PALLD: variants seen among roughly 807,000 people sequenced by gnomAD.
The protein encoded by PALLD is palladin, cytoskeletal associated protein, also known as palladin.
A neutral mutation model predicts 123.5 loss-of-function variants in PALLD; 61 were observed. That is an observed-to-expected ratio of 0.49 (90% CI 0.40 to 0.61). The LOEUF (loss-of-function observed/expected upper bound fraction) is 0.61. Ranked by LOEUF, PALLD falls within the 20% of genes least tolerant of loss-of-function variation. The pLI is 0.00. For synonymous variants in PALLD, 465 were observed against 496.4 expected (o/e 0.94, Z 0.84); for missense variants, 1,273 against 1,377.0 (o/e 0.92, Z 1.20).
chr4:168,647,114 A>G (rs996378202), intron 2 of PALLD, among the ~76,000 whole-genome samples: 4 of 152,258 alleles, frequency 2.6e-5, no homozygotes, highest in African/African-American at 4.8e-5. Context: ...TTCTTCAACC[A>G]GTTTCAAAGA....
In PALLD at chr4:168,816,413, A is replaced by ATTTTTTT. The variant is rs1554088403; in HGVS notation, c.1965-74507_1965-74501dup. On this transcript the variant is annotated intron_variant, in intron 10 of 21. Transcript: ENST00000505667. ...TGTATATATATATATATATATATATATTTTTTTTAAGTATTAGATTGGAGT... is the reference window on the plus strand; with the variant it reads ...TGTATATATATATATATATATATATATTTTTTTTTTTTTTTAAGTATTAGATTGGAGT... Among the ~76,000 whole-genome samples, 125 of 135,990 alleles carry ATTTTTTT rather than the reference A, an allele frequency of 9.2e-4. 1 individual carries two copies. In the East Asian group the frequency reaches 0.014, roughly 16 times the overall value. 89.2% of individuals were successfully genotyped at this position (135,990 alleles called of 152,430 possible). A position where few individuals can be genotyped will look rare whatever the true frequency, so the allele number is the denominator to read the frequency against.
intron 2 of PALLD, among the ~76,000 whole-genome samples, chr4:168,629,956 G>A (rs1002226549): frequency 1.3e-5 from 2 of 152,192 alleles, no homozygotes; most frequent in Non-Finnish European, 2.9e-5. Flanking sequence ...TGGGTGTTTA[G>A]ACTAAATTTC....
At chr4:168,813,077 T>C (rs1377879272) in intron 10 of PALLD, among the ~76,000 whole-genome samples, 1 of 139,916 alleles carries the variant, frequency 7.1e-6, no homozygotes, top group African/African-American at 2.7e-5. Context: ...AAGTCTGGAA[T>C]TTTTCTTTCT....
At chr4:168,761,137 TTA>T (rs1472172226) in intron 10 of PALLD, among the ~76,000 whole-genome samples, 1 of 152,244 alleles carries the variant, frequency 6.6e-6, no homozygotes, top group Non-Finnish European at 1.5e-5. Context: ...CTTAAACTAC[TTA>T]TATATTAGAA....
At chr4:168,669,802 A>G (rs983532010) in intron 3 of PALLD, among the ~76,000 whole-genome samples, 4 of 142,544 alleles carry the variant, frequency 2.8e-5, no homozygotes, top group Non-Finnish European at 6.4e-5. Context: ...TACAAAATGC[A>G]CACACACACA....
At chr4:168,794,802 C>T (rs1738248489) in intron 10 of PALLD, among the ~76,000 whole-genome samples, 1 of 152,190 alleles carries the variant, frequency 6.6e-6, no homozygotes, top group South Asian at 2.1e-4. Flanking sequence ...ATAGTAAATG[C>T]TCAATGAATA....
At position 168,926,245 on chromosome 4, in the gene PALLD, C is replaced by G; in HGVS notation, c.*65C>G. 2.6e-6 allele frequency: 4 copies of G among 1,536,208 alleles called. No individual in the cohort carries two copies. Among genetic ancestry groups the G allele is most frequent in the Non-Finnish European group, 3.5e-6 (4 of 1,146,348 alleles). ...GCATCAGCAGTCACAGAGCACCAAG[C>G]CAAAAAAAGTACGGCCCTCAGCCAG... is the stretch of plus-strand genomic sequence containing the variant. On this transcript the variant is annotated 3_prime_UTR_variant, in exon 22 of 22. Transcript: ENST00000505667.
intron 17 of PALLD, among the ~76,000 whole-genome samples, chr4:168,919,616 A>G (rs1252868284): frequency 1.3e-5 from 2 of 152,042 alleles, no homozygotes; most frequent in African/African-American, 2.4e-5. Flanking sequence ...AGGGGAAAAA[A>G]TCCTGACGAT....
intron 10 of PALLD, among the ~76,000 whole-genome samples, chr4:168,858,064 A>C (rs184495067): frequency 2.6e-5 from 4 of 152,372 alleles, no homozygotes; most frequent in Non-Finnish European, 4.4e-5. Flanking sequence ...TCATTGAGAA[A>C]TAGAAACTCT....
At position 168,912,414 on chromosome 4, in the gene PALLD, A is replaced by G. The variant is rs1582121441; in HGVS notation, c.2623-1513A>G. On this transcript the variant is annotated intron_variant, in intron 15 of 21. Transcript: ENST00000505667. ...ATCTTCTCATTCTTCTGAGAGAGTGAAGGAGAAAAATCATCTTTTTTGCTA... is the reference window on the plus strand; with the variant it reads ...ATCTTCTCATTCTTCTGAGAGAGTGGAGGAGAAAAATCATCTTTTTTGCTA... 2.6e-5 allele frequency among the ~76,000 whole-genome samples: 4 copies of G among 152,172 alleles called. No individual in the cohort carries two copies. In the South Asian group the frequency reaches 8.3e-4, roughly 32 times the overall value.
chr4:168,849,730 G>C (rs1166262114), intron 10 of PALLD, among the ~76,000 whole-genome samples: 2 of 144,472 alleles, frequency 1.4e-5, no homozygotes, highest in Non-Finnish European at 3.0e-5. Flanking sequence ...CTCATTACAG[G>C]TATTATTATC....
At chr4:168,519,573 C>T (rs1763331818) in intron 2 of PALLD, among the ~76,000 whole-genome samples, 2 of 151,746 alleles carry the variant, frequency 1.3e-5, no homozygotes, top group Non-Finnish European at 1.5e-5. Flanking sequence ...TGTATTCAGT[C>T]TTGTGCCATG....
At chr4:168,647,439 A>G (rs971306924) in intron 2 of PALLD, among the ~76,000 whole-genome samples, 2 of 152,202 alleles carry the variant, frequency 1.3e-5, no homozygotes, top group Non-Finnish European at 2.9e-5. Flanking sequence ...ACAAATCATA[A>G]CAGTAGATCC....
intron 10 of PALLD, among the ~76,000 whole-genome samples, chr4:168,779,367 G>A (rs2150540902): frequency 6.6e-6 from 1 of 152,204 alleles, no homozygotes; most frequent in Non-Finnish European, 1.5e-5. Context: ...TTCAGGAACT[G>A]TTCATTTGAA....
At chr4:168,580,511 A>G (rs1450245141) in intron 2 of PALLD, among the ~76,000 whole-genome samples, 1 of 152,112 alleles carries the variant, frequency 6.6e-6, no homozygotes, top group Non-Finnish European at 1.5e-5. Context: ...GGAAATGCTT[A>G]TACACTGCTG....
chr4:168,751,478 G>A (rs192712947), intron 10 of PALLD, among the ~76,000 whole-genome samples: 2 of 152,328 alleles, frequency 1.3e-5, no homozygotes, highest in Admixed American at 1.3e-4. Flanking sequence ...TTTGCAATCA[G>A]ATAGCCCTGA....
chr4:168,816,504 A>G (rs1741978458), intron 10 of PALLD, among the ~76,000 whole-genome samples: 1 of 151,488 alleles, frequency 6.6e-6, no homozygotes, highest in African/African-American at 2.4e-5. Context: ...TGCCTCTATC[A>G]GCCAAATCTA....
At chr4:168,757,164 A>G (rs1234192949) in intron 10 of PALLD, among the ~76,000 whole-genome samples, 1 of 152,262 alleles carries the variant, frequency 6.6e-6, no homozygotes, top group Non-Finnish European at 1.5e-5. Flanking sequence ...CATGAAATAC[A>G]AACAGATGTT....
At chr4:168,791,521 A>G (rs1458963469) in intron 10 of PALLD, among the ~76,000 whole-genome samples, 1 of 152,140 alleles carries the variant, frequency 6.6e-6, no homozygotes, top group Non-Finnish European at 1.5e-5. Context: ...ACTACCACAC[A>G]CTTATAAAGC....
Sources: gnomAD v4.1 joint callset for allele counts (sites outside exome capture counted in the v4.1 genomes callset) on GRCh38, gnomAD v4.1.1 for gene constraint, MANE v1.5 for transcripts, NCBI Gene and HGNC (gene_info 2026-07-23, HGNC 2026-07-21) for gene names.